The following FERMT1 variants were observed in gnomAD, a reference collection of about 807,000 sequenced individuals.
FERMT1 encodes fermitin family homolog 1.
In FERMT1, 60 loss-of-function variants were observed where a neutral mutation model predicts 85.3. That is an observed-to-expected ratio of 0.70 (90% CI 0.57 to 0.87). The LOEUF (loss-of-function observed/expected upper bound fraction) is 0.87. FERMT1 is among the 40% of genes least tolerant of loss of function. The probability of loss-of-function intolerance (pLI) is 0.00; values close to 1 mark genes in which losing one functional copy is unlikely to be tolerated. For missense variants in FERMT1, 701 were observed against 818.9 expected, an observed-to-expected ratio of 0.86 and a Z score of 1.76; for synonymous variants, 275 against 301.1, an observed-to-expected ratio of 0.91 and a Z score of 0.90.
intron 9 of FERMT1, among the ~76,000 whole-genome samples, chr20:6,093,642 C>T (rs970206227): frequency 1.3e-5 from 2 of 152,302 alleles, no homozygotes; most frequent in African/African-American, 4.8e-5. Context: ...TGGTTACAAC[C>T]ATTTATGCCA....
intron 13 of FERMT1, among the ~76,000 whole-genome samples, chr20:6,080,620 C>T (rs935233808): frequency 8.5e-5 from 13 of 152,104 alleles, no homozygotes; most frequent in Non-Finnish European, 1.3e-4. Context: ...AAGAAGTGGT[C>T]GGATTCTGTG....
intron 14 of FERMT1, among the ~76,000 whole-genome samples, chr20:6,078,092 C>T (rs1045625281): frequency 2.0e-5 from 3 of 152,230 alleles, no homozygotes; most frequent in Non-Finnish European, 4.4e-5. Context: ...GACTTAGAGA[C>T]TTTGCTGGTT....
intron 2 of FERMT1, 95 bp downstream of exon 2, chr20:6,119,309 A>C: frequency 8.1e-7 from 1 of 1,237,334 alleles, no homozygotes; most frequent in Non-Finnish European, 1.2e-6. Context: ...GGGCATTACA[A>C]GATAAATGAT....
Position 6,085,198 on chromosome 20 carries a change from G to A in FERMT1, c.1461C>T (p.Leu487=). The A allele has an allele frequency of 6.2e-7, 1 of 1,614,198 alleles. No homozygotes were observed. The highest frequency in any genetic ancestry group is 8.5e-7 in the Non-Finnish European group (1 of 1,180,034). The change falls in exon 12 of 15, where the codon CTC becomes CTT. Residue 487 remains leucine (L), a synonymous_variant. Coordinates refer to ENST00000217289, the MANE Select transcript of FERMT1 (RefSeq NM_017671.5). ...TCATCCTCAGAAATGAAAGGATGTT[G>A]AGGACCTCTGGCTGGTAGGAGCTGT... ...MADSSYQPEV[L]NILSFLRMKN...
At chr20:6,111,890 G>A (rs1305473111) in intron 4 of FERMT1, among the ~76,000 whole-genome samples, 2 of 149,464 alleles carry the variant, frequency 1.3e-5, no homozygotes, top group Admixed American at 1.3e-4. Context: ...TTGAGACAGG[G>A]TCTTGCTCTG....
chr20:6,087,984 G>A, intron 10 of FERMT1, 101 bp from the exon 11 acceptor site: 1 of 761,752 alleles, frequency 1.3e-6, no homozygotes, highest in Non-Finnish European at 2.4e-6. Flanking sequence ...AAGCCCCTCA[G>A]ATTTGCTTTG....
chr20:6,091,867 G>A (rs1050655276), intron 9 of FERMT1, among the ~76,000 whole-genome samples: 3 of 152,118 alleles, frequency 2.0e-5, no homozygotes, highest in South Asian at 2.1e-4. Flanking sequence ...AAGGGGCAGC[G>A]GAGGCGATGC....
intron 9 of FERMT1, among the ~76,000 whole-genome samples, chr20:6,091,563 C>T (rs1982367947): frequency 1.3e-5 from 2 of 152,142 alleles, no homozygotes; most frequent in Non-Finnish European, 2.9e-5. Context: ...GTTTAATACT[C>T]AGATTCTCCA....
chr20:6,107,408 T>C lies in FERMT1; in HGVS notation c.849+124A>G. Reference sequence around the variant, plus strand: ...CAGGGTCCATGTATCAGTCTCACCCTGCAGGGCTAAACAGGCGATCACACA... The same window carrying C: ...CAGGGTCCATGTATCAGTCTCACCCCGCAGGGCTAAACAGGCGATCACACA... On this transcript the variant is annotated intron_variant, in intron 6 of 14. Coordinates refer to ENST00000217289, the MANE Select transcript of FERMT1 (RefSeq NM_017671.5). The C allele has an allele frequency of 1.5e-5, 9 of 590,622 alleles. No individual in the cohort carries two copies. In the South Asian group the frequency reaches 1.6e-4, roughly 10 times the overall value. The allele number at this position is 590,622 out of a possible 1,614,324, so 36.6% of individuals were successfully genotyped here.
chr20:6,096,825 T>C (rs1982512406), intron 8 of FERMT1, 77 bp downstream of exon 8: 1 of 1,217,616 alleles, frequency 8.2e-7, no homozygotes, highest in African/African-American at 1.5e-5. Flanking sequence ...AATATTCTCT[T>C]CTAATAAAGA....
At chr20:6,121,960 TC>T (rs1456866110) in intron 1 of FERMT1, among the ~76,000 whole-genome samples, 5 of 152,234 alleles carry the variant, frequency 3.3e-5, no homozygotes, top group Non-Finnish European at 7.3e-5. Flanking sequence ...ATTGAACTGT[TC>T]GACTTTAAGA....
In FERMT1 at chr20:6,085,205, T is replaced by A; in HGVS notation, c.1454A>T (p.Glu485Val). 1 of 1,614,186 alleles carries A rather than the reference T, an allele frequency of 6.2e-7. No individual in the cohort carries two copies. The highest frequency in any genetic ancestry group is 8.5e-7 in the Non-Finnish European group (1 of 1,180,022). ...KTMADSSYQP[E>V]VLNILSFLRM... ...CAGAAATGAAAGGATGTTGAGGACC[T>A]CTGGCTGGTAGGAGCTGTCTGCCAT... The change falls in exon 12 of 15, where the codon GAG becomes GTG. Residue 485 changes from glutamate to valine, a missense_variant. Transcript: ENST00000217289.
At chr20:6,112,650 A>C in intron 3 of FERMT1, 27 bp from the exon 4 acceptor site, 1 of 1,451,746 alleles carries the variant, frequency 6.9e-7, no homozygotes, top group Non-Finnish European at 9.3e-7. Context: ...TTTAAAAATG[A>C]AGAAAAAGTA....
rs1439132296 is a variant in FERMT1 at position 6,104,060 on chromosome 20, G to A, written c.849+3472C>T. Among the ~76,000 whole-genome samples, 2 of 151,882 alleles carry A rather than the reference G, an allele frequency of 1.3e-5. No homozygotes were observed. Among genetic ancestry groups the A allele is most frequent in the African/African-American group, 4.8e-5 (2 of 41,364 alleles). ...TAATTTTTGTATTTTTAGTAGAGAT[G>A]GGGTTTCACCATGTTGGCCAGGCTA... On this transcript the variant is annotated intron_variant, in intron 6 of 14. Transcript: ENST00000217289. The surrounding 1 kb of genome is among the most constrained non-coding windows in gnomAD (Gnocchi z 4.2).
In FERMT1 at chr20:6,112,603, G is replaced by A; in HGVS notation, c.406C>T (p.Leu136Phe). The A allele has an allele frequency of 6.3e-7, 1 of 1,585,982 alleles. No homozygotes were observed. Among genetic ancestry groups the A allele is most frequent in the Non-Finnish European group, 8.6e-7 (1 of 1,165,570 alleles). ...KILNIRRSEE[L>F]SLLKPSGDYF... ...TCACCAGACGGCTTTAACAAGGAAAGCTCTTCTGATCTTCTAATATCTAGA... is the reference window on the plus strand; with the variant it reads ...TCACCAGACGGCTTTAACAAGGAAAACTCTTCTGATCTTCTAATATCTAGA... Residue 136 changes from leucine to phenylalanine, a missense_variant, in exon 4 of 15, where the codon CTT becomes TTT. Leu to Phe is a conservative substitution (Grantham distance 22). Coordinates refer to ENST00000217289, the MANE Select transcript of FERMT1 (RefSeq NM_017671.5).
At chr20:6,115,703 G>T in intron 3 of FERMT1, 108 bp downstream of exon 3, 1 of 852,466 alleles carries the variant, frequency 1.2e-6, no homozygotes, top group Non-Finnish European at 2.0e-6. Flanking sequence ...CTTCCTAATA[G>T]GTGAGTGTTC....
At chr20:6,091,202 G>GT (rs768913570) in intron 9 of FERMT1, among the ~76,000 whole-genome samples, 2 of 151,764 alleles carry the variant, frequency 1.3e-5, no homozygotes, top group East Asian at 3.9e-4. Context: ...TATTTATCAT[G>GT]TTGAGGGCTG....
chr20:6,110,162 G>A, intron 5 of FERMT1, 136 bp downstream of exon 5: 1 of 753,944 alleles, frequency 1.3e-6, no homozygotes, highest in Non-Finnish European at 2.3e-6. Flanking sequence ...TTTCCCCTTT[G>A]TTGCTAAAAT....
chr20:6,094,479 A>T (rs1982448814), intron 9 of FERMT1, among the ~76,000 whole-genome samples: 1 of 152,198 alleles, frequency 6.6e-6, no homozygotes, highest in Non-Finnish European at 1.5e-5. Context: ...ATGGCTTTTA[A>T]ATTATAAGCC....
Sources: allele counts gnomAD v4.1 joint callset (sites outside exome capture counted in the v4.1 genomes callset), GRCh38; gene constraint gnomAD v4.1.1; non-coding constraint Gnocchi (gnomAD v3.1); transcripts MANE v1.5; gene names NCBI Gene and HGNC (gene_info 2026-07-23, HGNC 2026-07-21).